The following KDM6B variants were observed in gnomAD, a reference collection of about 807,000 sequenced individuals.
KDM6B encodes lysine demethylase 6B, also known as lysine-specific demethylase 6B.
A neutral mutation model predicts 150.4 loss-of-function variants in KDM6B; 22 were observed. That is an observed-to-expected ratio of 0.15 (90% confidence interval 0.10 to 0.21). KDM6B has a LOEUF of 0.21. Among genes scored for constraint, KDM6B ranks in the 10% least tolerant of loss-of-function variants. The pLI is 1.00. For synonymous variants in KDM6B, 1,148 were observed against 921.1 expected, an observed-to-expected ratio of 1.25 and a Z score of -4.46; for missense variants, 1,984 against 2,234.3, an observed-to-expected ratio of 0.89 and a Z score of 2.26.
At position 7,851,039 on chromosome 17, in the gene KDM6B, C is replaced by G. The variant is rs769949385; in HGVS notation, c.3692C>G (p.Thr1231Ser). 1 of 1,610,010 alleles carries G rather than the reference C, an allele frequency of 6.2e-7. No homozygotes were observed. Among genetic ancestry groups the G allele is most frequent in the Non-Finnish European group, 8.5e-7 (1 of 1,178,528 alleles). The change falls in exon 15 of 24, where the codon ACC (threonine) becomes AGC (serine). Residue 1231 changes from threonine to serine, a missense_variant. Physicochemically the swap from Thr to Ser is moderately conservative, Grantham distance 58. This residue lies in a region of KDM6B where 25 missense variants were observed against 36.4 expected (regional missense o/e 0.69). Coordinates refer to ENST00000448097, the MANE Select transcript of KDM6B (RefSeq NM_001348716.2). ...SLRLNLGLFS[T>S]KTLVEASGEH... is the part of the protein sequence containing the mutation. ...CTTCCAGACTTGGGCCTCTTCTCCA[C>G]CAAGACCCTGGTGGAAGCGAGTGGC...
In KDM6B at chr17:7,853,529, C is replaced by A; in HGVS notation, c.*8C>A. 1 of 1,445,520 alleles carries A rather than the reference C, an allele frequency of 6.9e-7. No individual in the cohort carries two copies. The highest frequency in any genetic ancestry group is 9.0e-7 in the Non-Finnish European group (1 of 1,105,442). The allele number at this position is 1,445,520 out of a possible 1,614,324, so 89.5% of individuals were successfully genotyped here. A position where few individuals can be genotyped will look rare whatever the true frequency, so the allele number is the denominator to read the frequency against. On this transcript the variant is annotated 3_prime_UTR_variant, in exon 24 of 24. Coordinates refer to ENST00000448097, the MANE Select transcript of KDM6B (RefSeq NM_001348716.2). ...GCCAGCACGTCGCGATGAGGCCGGACGCCCCGCCCGCCTGCCTGCCCGCGC... is the reference window on the plus strand; with the variant it reads ...GCCAGCACGTCGCGATGAGGCCGGAAGCCCCGCCCGCCTGCCTGCCCGCGC...
rs990784475 is a variant in KDM6B at position 7,848,183 on chromosome 17, T to C, written c.1895T>C (p.Val632Ala). The change falls in exon 12 of 24, where the codon GTC (valine) becomes GCC (alanine). Residue 632 changes from valine (V) to alanine (A), a missense_variant. Around this residue, in one of 13 missense-constraint regions of KDM6B, gnomAD observed 1,379 missense variants for 1,275.6 expected, o/e 1.08. Coordinates refer to ENST00000448097, the MANE Select transcript of KDM6B (RefSeq NM_001348716.2). The stretch of plus-strand genomic sequence containing the variant: ...CGCCCGGAGAGCCCCCGGCCCAGGG[T>C]CTCCTTCCCAAAGACCCCCGAGGTG... ...FRRPESPRPR[V>A]SFPKTPEVGP... 9 of 1,611,192 alleles carry C rather than the reference T, an allele frequency of 5.6e-6. No individual in the cohort carries two copies. In the African/African-American group the frequency reaches 1.2e-4, roughly 22 times the overall value.
intron 2 of KDM6B, among the ~76,000 whole-genome samples, chr17:7,841,037 C>T (rs992788589): frequency 4.6e-5 from 7 of 152,202 alleles, no homozygotes; most frequent in Non-Finnish European, 8.8e-5. Flanking sequence ...AAGCCTAGCT[C>T]TTTCATTCTT....
intron 2 of KDM6B, among the ~76,000 whole-genome samples, chr17:7,842,265 G>A (rs1044304576): frequency 6.6e-6 from 1 of 152,192 alleles, no homozygotes; most frequent in Non-Finnish European, 1.5e-5. Flanking sequence ...TCCAGGGCCC[G>A]GATGGAGGGG....
At chr17:7,842,332 G>A (rs1042687285) in intron 2 of KDM6B, among the ~76,000 whole-genome samples, 5 of 152,338 alleles carry the variant, frequency 3.3e-5, no homozygotes, top group Non-Finnish European at 7.4e-5. Flanking sequence ...CTCGGCGGGA[G>A]CGGAATTAAC....
intron 18 of KDM6B, 68 bp downstream of exon 18, chr17:7,851,864 C>T (rs2151379502): frequency 6.3e-7 from 1 of 1,576,740 alleles, no homozygotes; most frequent in South Asian, 1.1e-5. Flanking sequence ...GGCGCTCAGC[C>T]GTCAGCCAAT....
At chr17:7,852,940 C>A in intron 21 of KDM6B, 60 bp from the exon 22 acceptor site, 1 of 1,611,336 alleles carries the variant, frequency 6.2e-7, no homozygotes, top group Non-Finnish European at 8.5e-7. Context: ...GCCCTTGCTC[C>A]AGCCCTGCCT....
chr17:7,837,157 C>T (rs1450200141), intron 1 of KDM6B, among the ~76,000 whole-genome samples: 2 of 152,188 alleles, frequency 1.3e-5, no homozygotes, highest in Non-Finnish European at 2.9e-5. Flanking sequence ...AAGGCTCCGC[C>T]CCCATAGAAA....
chr17:7,844,991 G>GAT lies in KDM6B; in HGVS notation c.-178_-177insAT. 1.1e-5 allele frequency: 2 copies of GAT among 183,582 alleles called. No individual in the cohort carries two copies. The highest frequency in any genetic ancestry group is 1.3e-4 in the East Asian group (1 of 7,428). 11.4% of individuals were successfully genotyped at this position (183,582 alleles called of 1,614,324 possible). On this transcript the variant is annotated 5_prime_UTR_variant, in exon 3 of 24. Transcript: ENST00000448097. This position sits in a 1 kb window ranked among gnomAD's most constrained non-coding sequence, Gnocchi z 5.9. ...GGCCAGATCTCTGGAGCTTGCCGAC[G>GAT]CGGTGTGAGGACGCTCCCACGGAGG... is the stretch of plus-strand genomic sequence containing the variant.
Position 7,848,712 on chromosome 17 carries a change from C to A in KDM6B, c.2424C>A (p.Ala808=). The change falls in exon 12 of 24, where the codon GCC becomes GCA. Residue 808 remains alanine, a synonymous_variant. Coordinates refer to ENST00000448097, the MANE Select transcript of KDM6B (RefSeq NM_001348716.2). ...PSPASLLKSL[A]SVLEGQKYCY... ...CGGCCAGCCTGCTCAAATCCTTGGC[C>A]TCCGTGCTGGAGGGACAAAAGTACT... 6.2e-7 allele frequency: 1 copy of A among 1,613,002 alleles called. No homozygotes were observed. The highest frequency in any genetic ancestry group is 1.1e-5 in the South Asian group (1 of 91,078).
intron 1 of KDM6B, among the ~76,000 whole-genome samples, chr17:7,835,372 C>T (rs1364101141): frequency 6.6e-6 from 1 of 151,952 alleles, no homozygotes; most frequent in African/African-American, 2.4e-5. Flanking sequence ...GGGCAGGACG[C>T]CTGGTTCCCG....
intron 17 of KDM6B, 38 bp from the exon 18 acceptor site, chr17:7,851,610 G>T: frequency 6.2e-7 from 1 of 1,605,896 alleles, no homozygotes. Context: ...TCGTGGCGGG[G>T]GCGGGGTGTA....
rs367997748 is a variant in KDM6B, at chr17:7,851,807, C to G, written c.4165+11C>G. ...GCAGCCGAACGCCAGGTGCGCTCCA[C>G]GCCTGTGCGCGCTGATGCTGGAAGC... On this transcript the variant is annotated intron_variant, in intron 18 of 23. Coordinates refer to ENST00000448097, the MANE Select transcript of KDM6B (RefSeq NM_001348716.2). The G allele has an allele frequency of 9.0e-6, 14 of 1,555,564 alleles. No individual in the cohort carries two copies. Among genetic ancestry groups the G allele is most frequent in the Non-Finnish European group, 1.2e-5 (14 of 1,149,918 alleles).
rs1280733144 is a variant in KDM6B at position 7,843,970 on chromosome 17, T to C, written c.-268-931T>C. Among the ~76,000 whole-genome samples the C allele has an allele frequency of 6.6e-6, 1 of 151,674 alleles. No homozygotes were observed. The highest frequency in any genetic ancestry group is 2.4e-5 in the African/African-American group (1 of 41,210). ...GCGTGAAGGAGGAAGTGAAACGAGT[T>C]CTGGGTTCTTTAAGGGAGTGGGTGG... On this transcript the variant is annotated intron_variant, in intron 2 of 23. Transcript: ENST00000448097. This position sits in a 1 kb window ranked among gnomAD's most constrained non-coding sequence, Gnocchi z 4.5.
intron 1 of KDM6B, among the ~76,000 whole-genome samples, chr17:7,839,666 T>G (rs1236618465): frequency 6.6e-6 from 1 of 152,100 alleles, no homozygotes; most frequent in Non-Finnish European, 1.5e-5. Context: ...GTTTGGGGTC[T>G]ACTGTAGACT....
intron 1 of KDM6B, among the ~76,000 whole-genome samples, chr17:7,836,253 A>C (rs1323284180): frequency 6.6e-6 from 1 of 151,880 alleles, no homozygotes; most frequent in African/African-American, 2.4e-5. Flanking sequence ...AACCCTTCCC[A>C]TTCCTAACGT....
rs776189391 is a variant in KDM6B, at chr17:7,852,490, C to T, written c.4469-5C>T. 1.4e-5 allele frequency: 23 copies of T among 1,605,272 alleles called. No homozygotes were observed. Among genetic ancestry groups the T allele is most frequent in the Admixed American group, 6.8e-5 (4 of 58,818 alleles). ...AGTCCTGTTGTGATCGCCTTTGGCC[C>T]GCAGCCTATCAGTACCAGCTGGCCC... is the stretch of plus-strand genomic sequence containing the variant. On this transcript the variant is annotated splice_polypyrimidine_tract_variant and splice_region_variant and intron_variant, in intron 20 of 23. Coordinates refer to ENST00000448097, the MANE Select transcript of KDM6B (RefSeq NM_001348716.2).
At position 7,844,855 on chromosome 17, in the gene KDM6B, C is replaced by CG. The variant is rs569837270; in HGVS notation, c.-268-44dup. 4.3e-3 allele frequency: 675 copies of CG among 158,054 alleles called. 4 individuals are homozygous for CG. Among genetic ancestry groups the CG allele is most frequent in the African/African-American group, 0.016 (646 of 41,596 alleles). The allele number at this position is 158,054 out of a possible 1,614,324, so 9.8% of individuals were successfully genotyped here. A position where few individuals can be genotyped will look rare whatever the true frequency, so the allele number is the denominator to read the frequency against. On this transcript the variant is annotated intron_variant, in intron 2 of 23. Transcript: ENST00000448097. This position sits in a 1 kb window ranked among gnomAD's most constrained non-coding sequence, Gnocchi z 5.9. Reference sequence around the variant, plus strand: ...ACCGGCTCCCGCGCCCCTCCTCCCCCGGCCACCGCTGCCGGGCTCACCTCG... The same window carrying CG: ...ACCGGCTCCCGCGCCCCTCCTCCCCCGGGCCACCGCTGCCGGGCTCACCTCG...
chr17:7,854,430 AAATT>A lies in KDM6B; in HGVS notation c.*912_*915del, dbSNP rs1282985466. On this transcript the variant is annotated 3_prime_UTR_variant, in exon 24 of 24. Coordinates refer to ENST00000448097, the MANE Select transcript of KDM6B (RefSeq NM_001348716.2). ...TGTAAAAAAAATAAATAAAATAAAA[AAATT>A]AAAGGTTTTAAAGAAAGAACTATGA... 2 of 152,380 alleles carry A rather than the reference AAATT, an allele frequency of 1.3e-5. No homozygotes were observed. Among genetic ancestry groups the A allele is most frequent in the Non-Finnish European group, 2.9e-5 (2 of 68,032 alleles). 9.4% of individuals were successfully genotyped at this position (152,380 alleles called of 1,614,324 possible).
Sources: gnomAD v4.1 joint callset for allele counts (sites outside exome capture counted in the v4.1 genomes callset) on GRCh38, gnomAD v4.1.1 for gene constraint, gnomAD v4.1.1 regional missense constraint, Gnocchi (gnomAD v3.1) non-coding constraint, MANE v1.5 for transcripts, NCBI Gene and HGNC (gene_info 2026-07-23, HGNC 2026-07-21) for gene names.